The following PLA2G4A variants were observed in gnomAD, a reference collection of about 807,000 sequenced individuals.
The protein encoded by PLA2G4A is cytosolic phospholipase A2.
A neutral mutation model predicts 81.9 loss-of-function variants in PLA2G4A; 40 were observed. That is an observed-to-expected ratio of 0.49 (90% CI 0.38 to 0.64). PLA2G4A has a LOEUF of 0.64. Among genes scored for constraint, PLA2G4A ranks in the 30% least tolerant of loss-of-function variants. The pLI is 0.00. For missense variants in PLA2G4A, 715 were observed against 905.1 expected, an observed-to-expected ratio of 0.79 and a Z score of 2.69; for synonymous variants, 302 against 296.9, an observed-to-expected ratio of 1.02 and a Z score of -0.18.
At chr1:186,985,429 T>C (rs1393739514) in intron 17 of PLA2G4A, among the ~76,000 whole-genome samples, 2 of 152,238 alleles carry the variant, frequency 1.3e-5, no homozygotes. Flanking sequence ...AGGCAGGCAT[T>C]ATCCAGCAAA....
chr1:186,981,978 A>T (rs1055941206), intron 17 of PLA2G4A, among the ~76,000 whole-genome samples: 4 of 152,320 alleles, frequency 2.6e-5, no homozygotes, highest in Non-Finnish European at 2.9e-5. Context: ...TATCTGTAAT[A>T]AAAAAAGTGA....
chr1:186,901,311 C>T (rs1485103646), intron 5 of PLA2G4A, among the ~76,000 whole-genome samples: 6 of 152,112 alleles, frequency 3.9e-5, no homozygotes, highest in Non-Finnish European at 8.8e-5. Flanking sequence ...ACTTTTATGA[C>T]TTTTATGACA....
At chr1:186,936,247 C>CA (rs1557881984) in intron 8 of PLA2G4A, among the ~76,000 whole-genome samples, 1 of 151,748 alleles carries the variant, frequency 6.6e-6, no homozygotes, top group Non-Finnish European at 1.5e-5. Flanking sequence ...TTTAACAGTA[C>CA]AAAAAATTCT....
At chr1:186,892,113 C>A (rs568050489) in intron 3 of PLA2G4A, among the ~76,000 whole-genome samples, 2 of 152,234 alleles carry the variant, frequency 1.3e-5, no homozygotes, top group African/African-American at 2.4e-5. Flanking sequence ...CTATTCAAAT[C>A]ATTTGCTCAT....
At chr1:186,870,660 A>C (rs1158270335) in intron 3 of PLA2G4A, 144 bp downstream of exon 3, 4 of 1,314,798 alleles carry the variant, frequency 3.0e-6, no homozygotes, top group Non-Finnish European at 4.3e-6. Context: ...CATTTCAAAC[A>C]GTTCTCTGAT....
At chr1:186,889,196 G>C (rs1381141836) in intron 3 of PLA2G4A, among the ~76,000 whole-genome samples, 1 of 152,120 alleles carries the variant, frequency 6.6e-6, no homozygotes, top group Non-Finnish European at 1.5e-5. Context: ...TGTATTCCAT[G>C]GTCCTGTTGA....
chr1:186,919,115 C>T (rs1046443800), intron 7 of PLA2G4A, among the ~76,000 whole-genome samples: 1 of 152,168 alleles, frequency 6.6e-6, no homozygotes, highest in Non-Finnish European at 1.5e-5. Flanking sequence ...GGGCTGGGGC[C>T]GACATAAGTT....
chr1:186,834,218 A>C (rs1651697380), intron 1 of PLA2G4A, among the ~76,000 whole-genome samples: 1 of 152,090 alleles, frequency 6.6e-6, no homozygotes, highest in African/African-American at 2.4e-5. Flanking sequence ...GTTTGAAAAA[A>C]AAATCAGAGG....
chr1:186,870,598 G>T, intron 3 of PLA2G4A, 82 bp downstream of exon 3: 2 of 1,177,378 alleles, frequency 1.7e-6, no homozygotes, highest in East Asian at 4.8e-5. Context: ...ACAAATCGGA[G>T]GTTCTGCCTT....
At chr1:186,977,863 T>C in intron 16 of PLA2G4A, 75 bp downstream of exon 16, 1 of 935,006 alleles carries the variant, frequency 1.1e-6, no homozygotes, top group Non-Finnish European at 1.8e-6. Context: ...ACTGTTTCAC[T>C]CTGTCACTGC....
chr1:186,889,367 G>A (rs936362768), intron 3 of PLA2G4A, among the ~76,000 whole-genome samples: 1 of 152,170 alleles, frequency 6.6e-6, no homozygotes, highest in African/African-American at 2.4e-5. Flanking sequence ...TGCAGACAAT[G>A]GGTCTTCGGG....
rs943553474 is a variant in PLA2G4A, at chr1:186,979,315, G to A, written c.1961G>A (p.Gly654Asp). Reference protein sequence around the residue: ...NINFRKYRAPGVPRETEEEKE... With the variant: ...NINFRKYRAPDVPRETEEEKE... ...CCTTTGTGACTCTTCTGGTATTTAG[G>A]TGTTCCAAGGGAAACTGAGGAAGAG... The change falls in exon 17 of 18, where the codon GGT (glycine) becomes GAT (aspartate). Residue 654 changes from glycine to aspartate, a missense_variant and splice_region_variant. Gly to Asp is a moderately conservative substitution (Grantham distance 94). Coordinates refer to ENST00000367466, the MANE Select transcript of PLA2G4A (RefSeq NM_024420.3). 2.5e-6 allele frequency: 4 copies of A among 1,607,408 alleles called. No individual in the cohort carries two copies. In the Admixed American group the frequency reaches 5.0e-5, roughly 20 times the overall value.
chr1:186,847,491 C>T (rs188676978), intron 1 of PLA2G4A, among the ~76,000 whole-genome samples: 148 of 151,962 alleles, frequency 9.7e-4, no homozygotes, highest in South Asian at 2.7e-3. Context: ...AGCTGGTTCA[C>T]CTATGTATTG....
chr1:186,905,453 G>T (rs1305382346), intron 5 of PLA2G4A, among the ~76,000 whole-genome samples: 2 of 150,824 alleles, frequency 1.3e-5, no homozygotes, highest in African/African-American at 2.4e-5. Context: ...AAATTGCATT[G>T]TCTGTTTGGT....
chr1:186,830,829 T>C (rs1477579860), intron 1 of PLA2G4A, among the ~76,000 whole-genome samples: 1 of 151,996 alleles, frequency 6.6e-6, no homozygotes, highest in Non-Finnish European at 1.5e-5. Flanking sequence ...ATTAAAATTA[T>C]GTTCCAGGAA....
At chr1:186,928,534 C>T (rs1367841588) in intron 7 of PLA2G4A, among the ~76,000 whole-genome samples, 1 of 152,164 alleles carries the variant, frequency 6.6e-6, no homozygotes, top group African/African-American at 2.4e-5. Flanking sequence ...CTCGCCAGCC[C>T]ATTTTGCAGA....
At chr1:186,902,078 G>A (rs1654560517) in intron 5 of PLA2G4A, among the ~76,000 whole-genome samples, 3 of 152,130 alleles carry the variant, frequency 2.0e-5, no homozygotes, top group Non-Finnish European at 4.4e-5. Context: ...GCTATATGGT[G>A]TAGCCTATTG....
chr1:186,835,143 A>G (rs1651734185), intron 1 of PLA2G4A, among the ~76,000 whole-genome samples: 1 of 152,204 alleles, frequency 6.6e-6, no homozygotes, highest in Admixed American at 6.5e-5. Context: ...TTCAGTCAGT[A>G]AATTGACACA....
chr1:186,934,550 G>T (rs1213661076), intron 8 of PLA2G4A, among the ~76,000 whole-genome samples: 1 of 149,012 alleles, frequency 6.7e-6, no homozygotes, highest in Non-Finnish European at 1.5e-5. Context: ...TTTTAAATGT[G>T]CACACACACA....
Sources: gnomAD v4.1 joint callset for allele counts (sites outside exome capture counted in the v4.1 genomes callset) on GRCh38, gnomAD v4.1.1 for gene constraint, MANE v1.5 for transcripts, NCBI Gene and HGNC (gene_info 2026-07-23, HGNC 2026-07-21) for gene names.